The following PRELID2 variants were observed in gnomAD, a reference collection of about 807,000 sequenced individuals.
PRELID2 encodes the protein PRELI domain-containing protein 2.
Under a neutral mutation model 28.4 loss-of-function variants are expected in PRELID2, and 25 were observed. That is an observed-to-expected ratio of 0.88 (90% CI 0.64 to 1.23). PRELID2 has a LOEUF of 1.23. Among genes scored for constraint, PRELID2 ranks in the 50% most tolerant of loss-of-function variants. PRELID2 has a pLI of 0.00. For missense variants in PRELID2, 201 were observed against 214.4 expected (o/e 0.94, Z 0.39); for synonymous variants, 76 against 71.6 (o/e 1.06, Z -0.31).
At chr5:145,420,032 G>C in the PRELID2 span, among the ~76,000 whole-genome samples, 1 of 151,990 alleles carries the variant, frequency 6.6e-6, no homozygotes, top group Non-Finnish European at 1.5e-5. Flanking sequence ...TCAAAGATCA[G>C]ATAGTTGTAG....
chr5:145,432,947 C>G, the PRELID2 span, among the ~76,000 whole-genome samples: 3 of 151,988 alleles, frequency 2.0e-5, no homozygotes, highest in African/African-American at 7.3e-5. Context: ...AATTGGTAGC[C>G]TGACGTAAAT....
chr5:145,391,357 C>A, the PRELID2 span, among the ~76,000 whole-genome samples: 1 of 152,196 alleles, frequency 6.6e-6, no homozygotes, highest in African/African-American at 2.4e-5. Flanking sequence ...GGGTTTGCAC[C>A]CTCTGAAGCA....
chr5:145,290,532 T>C, the PRELID2 span, among the ~76,000 whole-genome samples: 4 of 140,294 alleles, frequency 2.9e-5, no homozygotes, highest in African/African-American at 1.1e-4. Flanking sequence ...TTCTCACTCA[T>C]AGGTGGGAAT....
chr5:145,574,426 A>G (rs1278788849), intron 1 of PRELID2, among the ~76,000 whole-genome samples: 1 of 152,204 alleles, frequency 6.6e-6, no homozygotes, highest in African/African-American at 2.4e-5. Context: ...TTCTTACAGC[A>G]GCAATAGAAA....
chr5:145,387,793 A>G, the PRELID2 span, among the ~76,000 whole-genome samples: 17 of 152,140 alleles, frequency 1.1e-4, no homozygotes, highest in East Asian at 2.7e-3. Flanking sequence ...TTAGCTGGGC[A>G]TGGTGGAGCA....
chr5:145,511,911 G>A (rs930110672), intron 1 of PRELID2, among the ~76,000 whole-genome samples: 1 of 152,118 alleles, frequency 6.6e-6, no homozygotes, highest in Admixed American at 6.6e-5. Context: ...AGCTTGGACT[G>A]GGGCTAGCAT....
the PRELID2 span, among the ~76,000 whole-genome samples, chr5:145,332,714 T>C: frequency 7.2e-6 from 1 of 138,794 alleles, no homozygotes; most frequent in South Asian, 2.4e-4. Context: ...GGTTAGAACA[T>C]GCTTTTTTAA....
chr5:145,444,320 A>G, the PRELID2 span, among the ~76,000 whole-genome samples: 1 of 152,078 alleles, frequency 6.6e-6, no homozygotes, highest in Non-Finnish European at 1.5e-5. Context: ...AGATATTAGC[A>G]TGAGCACTGG....
At chr5:145,743,503 T>G (rs991331933) in intron 1 of PRELID2, among the ~76,000 whole-genome samples, 1 of 151,646 alleles carries the variant, frequency 6.6e-6, no homozygotes, top group Non-Finnish European at 1.5e-5. Context: ...GTATCCAGGT[T>G]CTCTCATCAG....
intron 1 of PRELID2, among the ~76,000 whole-genome samples, chr5:145,832,558 C>A (rs915417318): frequency 3.3e-5 from 5 of 152,144 alleles, no homozygotes; most frequent in African/African-American, 1.2e-4. Flanking sequence ...TGCAGCACAG[C>A]CGGGTGGCTA....
chr5:145,720,685 T>A (rs990698052), intron 1 of PRELID2, among the ~76,000 whole-genome samples: 2 of 151,520 alleles, frequency 1.3e-5, no homozygotes, highest in African/African-American at 4.9e-5. Context: ...AGTGAGGACT[T>A]AATACATATA....
chr5:145,464,578 A>G, the PRELID2 span, among the ~76,000 whole-genome samples: 1 of 152,330 alleles, frequency 6.6e-6, no homozygotes, highest in South Asian at 2.1e-4. Context: ...ATGGTTCTTA[A>G]TACTGTGTAT....
At chr5:145,425,140 C>G in the PRELID2 span, among the ~76,000 whole-genome samples, 2 of 151,670 alleles carry the variant, frequency 1.3e-5, no homozygotes, top group Non-Finnish European at 2.9e-5. Flanking sequence ...TACGTATGGC[C>G]AAGAAACATG....
chr5:145,447,076 A>AATAAATAAATAAATAC, the PRELID2 span, among the ~76,000 whole-genome samples: 1 of 150,852 alleles, frequency 6.6e-6, no homozygotes, highest in Non-Finnish European at 1.5e-5. Flanking sequence ...TAAATAAATA[A>AATAAATAAATAAATAC]ATAAATAAAA....
At chr5:145,245,915 TG>T in the PRELID2 span, among the ~76,000 whole-genome samples, 1 of 152,014 alleles carries the variant, frequency 6.6e-6, no homozygotes, top group Non-Finnish European at 1.5e-5. Flanking sequence ...TTTTTGTTTT[TG>T]TTTTTTTTTA....
chr5:145,229,283 G>T, the PRELID2 span: 1 of 753,714 alleles, frequency 1.3e-6, no homozygotes. Context: ...CTGGTTCAAG[G>T]GCCGCAGTGA....
chr5:145,342,653 C>A, the PRELID2 span, among the ~76,000 whole-genome samples: 84 of 151,192 alleles, frequency 5.6e-4, no homozygotes, highest in Non-Finnish European at 9.8e-4. Context: ...TAAAAAATTT[C>A]TTTTTGATTG....
the PRELID2 span, among the ~76,000 whole-genome samples, chr5:145,300,272 T>C: frequency 6.6e-6 from 1 of 152,160 alleles, no homozygotes; most frequent in East Asian, 1.9e-4. Context: ...GGACACTTCC[T>C]ACCTCATACC....
chr5:145,336,461 G>A, the PRELID2 span, among the ~76,000 whole-genome samples: 8 of 151,682 alleles, frequency 5.3e-5, no homozygotes, highest in Non-Finnish European at 1.2e-4. Context: ...TAAGGTGTAA[G>A]GAAGGGATCC....
Sources: gnomAD v4.1 joint callset for allele counts (sites outside exome capture counted in the v4.1 genomes callset) on GRCh38, gnomAD v4.1.1 for gene constraint, MANE v1.5 for transcripts, NCBI Gene and HGNC (gene_info 2026-07-23, HGNC 2026-07-21) for gene names.